The following POLR3A variants were observed in gnomAD, a reference collection of about 807,000 sequenced individuals.
POLR3A encodes the protein DNA-directed RNA polymerase III subunit RPC1.
Under a neutral mutation model 152.8 loss-of-function variants are expected in POLR3A, and 112 were observed. The ratio of observed to expected loss-of-function variants is 0.73; its 90% CI spans 0.63 to 0.86. The LOEUF (loss-of-function observed/expected upper bound fraction) is 0.86. POLR3A is among the 40% of genes least tolerant of loss of function. The probability of loss-of-function intolerance (pLI) is 0.00; values close to 1 mark genes in which losing one functional copy is unlikely to be tolerated. For synonymous variants in POLR3A, 615 were observed against 652.1 expected (o/e 0.94, Z 0.87); for missense variants, 1,385 against 1,743.1 (o/e 0.79, Z 3.66).
chr10:77,982,426 G>A (rs528475978), intron 27 of POLR3A, 108 bp from the exon 28 acceptor site: 76 of 1,113,140 alleles, frequency 6.8e-5, no homozygotes, highest in Non-Finnish European at 9.5e-5. Context: ...ACACACTAGA[G>A]CTAGTTTTAG....
At chr10:78,005,422 G>A (rs1482348767) in intron 15 of POLR3A, among the ~76,000 whole-genome samples, 1 of 152,206 alleles carries the variant, frequency 6.6e-6, no homozygotes, top group African/African-American at 2.4e-5. Flanking sequence ...GCTCCAGCCT[G>A]GGCAACAGAG....
At chr10:77,977,902 C>A (rs968559036) in intron 30 of POLR3A, among the ~76,000 whole-genome samples, 13 of 152,142 alleles carry the variant, frequency 8.5e-5, no homozygotes, top group Non-Finnish European at 1.5e-5. Flanking sequence ...TCCTCTCCCA[C>A]CTGAGCCAAA....
chr10:78,011,517 C>T (rs550816384), intron 11 of POLR3A, among the ~76,000 whole-genome samples: 1 of 152,242 alleles, frequency 6.6e-6, no homozygotes, highest in African/African-American at 2.4e-5. Context: ...CAGACAAAGG[C>T]CCATTACCAC....
intron 4 of POLR3A, 131 bp from the exon 5 acceptor site, chr10:78,024,834 G>T: frequency 7.6e-7 from 1 of 1,319,240 alleles, no homozygotes; most frequent in Non-Finnish European, 1.1e-6. Flanking sequence ...TTCCCAATAG[G>T]ACATCAGTTG....
chr10:77,991,171 G>A lies in POLR3A; in HGVS notation c.2788-4C>T. 6.3e-7 allele frequency: 1 copy of A among 1,580,590 alleles called. No individual in the cohort carries two copies. Among genetic ancestry groups the A allele is most frequent in the Non-Finnish European group, 8.7e-7 (1 of 1,149,428 alleles). ...CACTGGGACACGGGAAGACTGCCTT[G>A]AGTATTAAAAGAAAATTGCATTATG... On this transcript the variant is annotated splice_polypyrimidine_tract_variant and splice_region_variant and intron_variant, in intron 20 of 30. Coordinates refer to ENST00000372371, the MANE Select transcript of POLR3A (RefSeq NM_007055.4).
Position 77,985,925 on chromosome 10 carries a change from T to C in POLR3A, c.3049A>G (p.Thr1017Ala). ...TACCTCATGTACTTGTCCCTACAGG[T>C]CTCCAGAAACTTTTCTACTTGGGTG... is the stretch of plus-strand genomic sequence containing the variant. ...TPTQVEKFLE[T>A]CRDKYMRAQM... The change falls in exon 23 of 31, where the codon ACC becomes GCC. Residue 1017 changes from threonine to alanine, a missense_variant. Around this residue, in one of 7 missense-constraint regions of POLR3A, gnomAD observed 178 missense variants for 204.6 expected, o/e 0.87. Transcript: ENST00000372371. 1 of 1,613,844 alleles carries C rather than the reference T, an allele frequency of 6.2e-7. No individual in the cohort carries two copies.
intron 24 of POLR3A, 95 bp downstream of exon 24, chr10:77,985,075 G>C (rs1847184246): frequency 9.4e-7 from 1 of 1,062,080 alleles, no homozygotes; most frequent in Non-Finnish European, 1.5e-6. Context: ...ACAGTCCTAT[G>C]AGGATATCAC....
At position 77,980,282 on chromosome 10, in the gene POLR3A, A is replaced by G. The variant is rs780765924; in HGVS notation, c.3892-9T>C. 2 of 1,614,006 alleles carry G rather than the reference A, an allele frequency of 1.2e-6. No homozygotes were observed. Among genetic ancestry groups the G allele is most frequent in the Non-Finnish European group, 1.7e-6 (2 of 1,179,906 alleles). On this transcript the variant is annotated splice_polypyrimidine_tract_variant and intron_variant, in intron 29 of 30. Coordinates refer to ENST00000372371, the MANE Select transcript of POLR3A (RefSeq NM_007055.4). ...ATGCCCAGGACTTCACCCTGCGTCA[A>G]GGGAGAAAGAGTCACGGTGGTACTC...
Position 78,009,958 on chromosome 10 carries a change from A to T in POLR3A, c.1676T>A (p.Phe559Tyr). 6.2e-7 allele frequency: 1 copy of T among 1,614,218 alleles called. No homozygotes were observed. The highest frequency in any genetic ancestry group is 8.5e-7 in the Non-Finnish European group (1 of 1,180,040). Residue 559 changes from phenylalanine (F) to tyrosine (Y), a missense_variant, in exon 13 of 31, where the codon TTT (phenylalanine) becomes TAT (tyrosine). Phe to Tyr is a conservative substitution (Grantham distance 22). Transcript: ENST00000372371. ...GATTTGGCAAGCCTTGGCTCGATCA[A>T]AGAAAGTGTCCTTGAGAGTGAGGAG... ...AYLLTLKDTF[F>Y]DRAKACQIIA...
chr10:78,009,815 A>G, intron 13 of POLR3A, 49 bp downstream of exon 13: 1 of 1,608,218 alleles, frequency 6.2e-7, no homozygotes, highest in Non-Finnish European at 8.5e-7. Flanking sequence ...GTCTACCCCC[A>G]CAGACACATA....
chr10:77,999,663 T>C (rs186258586), intron 19 of POLR3A, among the ~76,000 whole-genome samples: 6 of 152,300 alleles, frequency 3.9e-5, no homozygotes, highest in African/African-American at 1.4e-4. Context: ...TAACCCTCAT[T>C]GTCACGTGTT....
In POLR3A at chr10:78,017,658, C is replaced by T. The variant is rs1455388103; in HGVS notation, c.1348G>A (p.Val450Ile). 19 of 1,613,886 alleles carry T rather than the reference C, an allele frequency of 1.2e-5. No individual in the cohort carries two copies. The highest frequency in any genetic ancestry group is 4.0e-5 in the African/African-American group (3 of 74,920). ...MAQELKYGDI[V>I]ERHLIDGDVV... ...TCTCCATCGATGAGGTGTCTCTCTA[C>T]GATGTCACCATACTTGAGCTCTTGA... The change falls in exon 10 of 31, where the codon GTA becomes ATA. Residue 450 changes from valine to isoleucine, a missense_variant. By Grantham distance (29) the Val-to-Ile change is conservative. Coordinates refer to ENST00000372371, the MANE Select transcript of POLR3A (RefSeq NM_007055.4).
Position 78,019,247 on chromosome 10 carries a change from T to A in POLR3A, c.1204A>T (p.Asn402Tyr), listed in dbSNP as rs376585106. ...FPEKVNKANI[N>Y]FLRKLVQNGP... The stretch of plus-strand genomic sequence containing the variant: ...TTTTGAACCAGTTTCCTCAAGAAAT[T>A]GATGTTTGCTTTGTTTACCTGCAGT... Residue 402 changes from asparagine to tyrosine, a missense_variant, in exon 9 of 31, where the codon AAT becomes TAT. This residue lies in a region of POLR3A where 493 missense variants were observed against 647.5 expected (regional missense o/e 0.76). Transcript: ENST00000372371. 1 of 1,613,694 alleles carries A rather than the reference T, an allele frequency of 6.2e-7. No individual in the cohort carries two copies. The highest frequency in any genetic ancestry group is 8.5e-7 in the Non-Finnish European group (1 of 1,179,820).
rs12264556 is a variant in POLR3A at position 78,017,949 on chromosome 10, G to A, written c.1290-233C>T. Among the ~76,000 whole-genome samples the A allele has an allele frequency of 0.032, 4,856 of 152,026 alleles. 288 individuals are homozygous for A. The highest frequency in any genetic ancestry group is 0.11 in the African/African-American group (4,624 of 41,436). On this transcript the variant is annotated intron_variant, in intron 9 of 30. Transcript: ENST00000372371. The stretch of plus-strand genomic sequence containing the variant: ...AGCACTTTGGGAGGCTGAGATGGGC[G>A]GACTGCTTGAGCCCAGGAGATTGAG...
intron 15 of POLR3A, among the ~76,000 whole-genome samples, chr10:78,007,250 C>T (rs1847420425): frequency 1.3e-5 from 2 of 152,082 alleles, no homozygotes; most frequent in South Asian, 4.1e-4. Context: ...GTTTTGGGGG[C>T]ATGCAAACAT....
intron 26 of POLR3A, 110 bp from the exon 27 acceptor site, chr10:77,982,927 C>G (rs140594830): frequency 5.9e-6 from 5 of 851,774 alleles, no homozygotes; most frequent in South Asian, 1.4e-5. Flanking sequence ...AAGCACCCCC[C>G]ACCCGCACCA....
At chr10:78,003,518 A>T (rs1847379113) in intron 16 of POLR3A, among the ~76,000 whole-genome samples, 1 of 152,098 alleles carries the variant, frequency 6.6e-6, no homozygotes. Context: ...GCTGGTTGAG[A>T]TCTTAGCTAA....
At chr10:77,980,351 A>G (rs1847128792) in intron 29 of POLR3A, 78 bp from the exon 30 acceptor site, 1 of 1,403,514 alleles carries the variant, frequency 7.1e-7, no homozygotes, top group South Asian at 1.2e-5. Context: ...GTGCACCTTC[A>G]ATACAATCAA....
At chr10:77,987,639 C>T (rs995196997) in intron 21 of POLR3A, among the ~76,000 whole-genome samples, 4 of 152,198 alleles carry the variant, frequency 2.6e-5, no homozygotes, top group African/African-American at 9.7e-5. Flanking sequence ...TATAAGGTAT[C>T]CACAGACAGC....
Sources: allele counts gnomAD v4.1 joint callset (sites outside exome capture counted in the v4.1 genomes callset), GRCh38; gene constraint gnomAD v4.1.1; regional missense constraint gnomAD v4.1.1; transcripts MANE v1.5; gene names NCBI Gene and HGNC (gene_info 2026-07-23, HGNC 2026-07-21).